Variants in CDH2 observed in about 807,000 individuals in gnomAD.
CDH2 encodes the protein cadherin-2.
Under a neutral mutation model 92.0 loss-of-function variants are expected in CDH2, and 17 were observed. The observed-to-expected ratio is 0.18, with a 90% confidence interval of 0.13 to 0.28. The LOEUF (loss-of-function observed/expected upper bound fraction) is 0.28, where lower values mean the gene tolerates loss of function less well. Among genes scored for constraint, CDH2 ranks in the 10% least tolerant of loss-of-function variants. The pLI is 1.00. For missense variants in CDH2, 862 were observed against 1,133.1 expected (o/e 0.76, Z 3.44); for synonymous variants, 419 against 415.9 (o/e 1.01, Z -0.09).
At chr18:28,087,459 C>A (rs1370975119) in intron 2 of CDH2, among the ~76,000 whole-genome samples, 1 of 152,106 alleles carries the variant, frequency 6.6e-6, no homozygotes, top group Non-Finnish European at 1.5e-5. Flanking sequence ...TGACGGCATG[C>A]CAACACAAAC....
chr18:27,951,099 T>C lies in CDH2; in HGVS notation c.*1054A>G, dbSNP rs1459266677. 6.6e-6 allele frequency: 1 copy of C among 152,082 alleles called. No individual in the cohort carries two copies. The highest frequency in any genetic ancestry group is 2.4e-5 in the African/African-American group (1 of 41,324). The allele number at this position is 152,082 out of a possible 1,614,324, so 9.4% of individuals were successfully genotyped here. A position where few individuals can be genotyped will look rare whatever the true frequency, so the allele number is the denominator to read the frequency against. On this transcript the variant is annotated 3_prime_UTR_variant, in exon 16 of 16. Transcript: ENST00000269141. ...TAAAAGCTTTTTTTTTTCCATTTTT[T>C]TTTTAAAAAAACACACACTTAGTAG...
At chr18:28,014,639 A>G (rs191491812) in intron 2 of CDH2, among the ~76,000 whole-genome samples, 222 of 152,294 alleles carry the variant, frequency 1.5e-3, no homozygotes, top group African/African-American at 5.1e-3. Context: ...GGTGTATCCC[A>G]AAAGAAATTT....
intron 2 of CDH2, among the ~76,000 whole-genome samples, chr18:28,036,041 C>T (rs940626797): frequency 1.3e-5 from 2 of 152,058 alleles, no homozygotes; most frequent in African/African-American, 4.8e-5. Context: ...AACTTTACCA[C>T]AAAAAATATT....
intron 1 of CDH2, among the ~76,000 whole-genome samples, chr18:28,166,149 C>CATATATATAT (rs35562216): frequency 0.022 from 1,281 of 59,184 alleles, 75 homozygotes; most frequent in East Asian, 0.047. Flanking sequence ...CAGACACACT[C>CATATATATAT]ATATATATAT....
chr18:27,950,104 C>T (rs1909377489), downstream of CDH2, among the ~76,000 whole-genome samples: 1 of 152,024 alleles, frequency 6.6e-6, no homozygotes, highest in South Asian at 2.1e-4. Context: ...TGGAAATTCC[C>T]AGAGGCAAGC....
In CDH2 at chr18:28,008,029, C is replaced by T. The variant is rs936111440; in HGVS notation, c.702+1688G>A. ...GATTCCGGGCGTGAGCCACCACACCCGACTGGTATTGCTCTTTTAATGTGC... is the reference window on the plus strand; with the variant it reads ...GATTCCGGGCGTGAGCCACCACACCTGACTGGTATTGCTCTTTTAATGTGC... On this transcript the variant is annotated intron_variant, in intron 5 of 15. Transcript: ENST00000269141. Among the ~76,000 whole-genome samples the T allele has an allele frequency of 5.9e-5, 9 of 152,108 alleles. 1 individual carries two copies. The South Asian group carries it at 6.2e-4, about 10-fold the overall frequency.
chr18:28,172,242 C>T (rs2016476486), intron 1 of CDH2, among the ~76,000 whole-genome samples: 1 of 152,076 alleles, frequency 6.6e-6, no homozygotes, highest in African/African-American at 2.4e-5. Flanking sequence ...CTTAAAGAGA[C>T]TATTATAACA....
chr18:28,075,020 G>T (rs1234230708), intron 2 of CDH2, among the ~76,000 whole-genome samples: 2 of 151,970 alleles, frequency 1.3e-5, no homozygotes, highest in Non-Finnish European at 2.9e-5. Context: ...TCTTCTTTGG[G>T]CTTCAATTTC....
intron 2 of CDH2, among the ~76,000 whole-genome samples, chr18:28,066,774 A>G (rs2014516587): frequency 6.6e-6 from 1 of 152,142 alleles, no homozygotes; most frequent in Admixed American, 6.6e-5. Flanking sequence ...ACAATTTGAA[A>G]TCCACAATAT....
intron 1 of CDH2, among the ~76,000 whole-genome samples, chr18:28,152,599 G>A (rs970667272): frequency 2.2e-4 from 33 of 152,138 alleles, no homozygotes; most frequent in Admixed American, 1.8e-3. Context: ...GTTCAGTGTC[G>A]CCGGAGTCCA....
chr18:28,162,466 C>T (rs2016320087), intron 1 of CDH2, among the ~76,000 whole-genome samples: 1 of 152,208 alleles, frequency 6.6e-6, no homozygotes, highest in Non-Finnish European at 1.5e-5. Context: ...GAGACACTTG[C>T]ATCTCCGAGT....
At chr18:28,054,928 G>A (rs1011218386) in intron 2 of CDH2, among the ~76,000 whole-genome samples, 2 of 152,130 alleles carry the variant, frequency 1.3e-5, no homozygotes, top group African/African-American at 4.8e-5. Context: ...CCTTCTGTAA[G>A]AAAAATTTAT....
At chr18:28,016,091 G>A (rs528292860) in intron 2 of CDH2, among the ~76,000 whole-genome samples, 2 of 152,162 alleles carry the variant, frequency 1.3e-5, no homozygotes, top group South Asian at 2.1e-4. Flanking sequence ...ACAAGATTTC[G>A]GCCTATGCCC....
chr18:28,045,396 AAAAG>A (rs1319525347), intron 2 of CDH2: 3 of 467,910 alleles, frequency 6.4e-6, no homozygotes, highest in Non-Finnish European at 8.9e-6. Context: ...CATTGATTAG[AAAAG>A]AAAGACCTAC....
At chr18:27,946,768 A>G (rs1909277068), downstream of CDH2, among the ~76,000 whole-genome samples, 1 of 151,978 alleles carries the variant, frequency 6.6e-6, no homozygotes, top group Non-Finnish European at 1.5e-5. Flanking sequence ...AAATATATCA[A>G]CCCATTAAAA....
chr18:28,133,255 T>C (rs558662406), intron 2 of CDH2, among the ~76,000 whole-genome samples: 1 of 152,272 alleles, frequency 6.6e-6, no homozygotes, highest in African/African-American at 2.4e-5. Context: ...GGATTACCAC[T>C]TTTGCAGGGC....
chr18:28,101,729 T>C (rs1419005545), intron 2 of CDH2, among the ~76,000 whole-genome samples: 1 of 152,126 alleles, frequency 6.6e-6, no homozygotes, highest in East Asian at 1.9e-4. Context: ...GGAAACTAAG[T>C]TGCATAGTTT....
intron 2 of CDH2, chr18:28,146,101 C>T (rs929021208): frequency 3.3e-5 from 5 of 152,050 alleles, no homozygotes; most frequent in Non-Finnish European, 5.9e-5. Context: ...CTATTCAACG[C>T]GCCAAAGTAA....
chr18:28,010,922 T>A (rs2144031808), intron 4 of CDH2, among the ~76,000 whole-genome samples: 1 of 151,286 alleles, frequency 6.6e-6, no homozygotes, highest in Middle Eastern at 3.4e-3. Context: ...AGTGCTGGGA[T>A]TACAGGTGCC....
Sources: allele counts gnomAD v4.1 joint callset (sites outside exome capture counted in the v4.1 genomes callset), GRCh38; gene constraint gnomAD v4.1.1; transcripts MANE v1.5; gene names NCBI Gene and HGNC (gene_info 2026-07-23, HGNC 2026-07-21).